The following CREBBP variants were observed in gnomAD, a reference collection of about 807,000 sequenced individuals.
The protein encoded by CREBBP is CREB binding lysine acetyltransferase.
Under a neutral mutation model 265.0 loss-of-function variants are expected in CREBBP, and 19 were observed. The ratio of observed to expected loss-of-function variants is 0.07; its 90% CI spans 0.05 to 0.11. The LOEUF is 0.11. Among genes scored for constraint, CREBBP ranks in the 10% least tolerant of loss-of-function variants. CREBBP has a pLI of 1.00. For missense variants in CREBBP, 2,525 were observed against 3,219.0 expected (o/e 0.78, Z 5.22); for synonymous variants, 1,457 against 1,223.7 (o/e 1.19, Z -3.98).
At chr16:3,861,652 C>CAAAAAA (rs368654449) in intron 1 of CREBBP, among the ~76,000 whole-genome samples, 3 of 121,072 alleles carry the variant, frequency 2.5e-5, no homozygotes, top group East Asian at 2.3e-4. Flanking sequence ...CTCTCTATAC[C>CAAAAAA]AAAAAAAAAA....
Position 3,731,568 on chromosome 16 carries a change from G to A in CREBBP, c.4891-95C>T. Reference sequence around the variant, plus strand: ...CGCAGCCACCCAGCCTGCAGAATAGGCAGGTGGCTGAGCCTGATGGCCCTG... The same window carrying A: ...CGCAGCCACCCAGCCTGCAGAATAGACAGGTGGCTGAGCCTGATGGCCCTG... On this transcript the variant is annotated intron_variant, in intron 29 of 30. Transcript: ENST00000262367. The surrounding 1 kb of genome is among the most constrained non-coding windows in gnomAD (Gnocchi z 7.7). 1 of 1,483,546 alleles carries A rather than the reference G, an allele frequency of 6.7e-7. No individual in the cohort carries two copies. Among genetic ancestry groups the A allele is most frequent in the Non-Finnish European group, 9.2e-7 (1 of 1,090,610 alleles). The allele number at this position is 1,483,546 out of a possible 1,614,324, so 91.9% of individuals were successfully genotyped here.
At chr16:3,825,582 C>T (rs1039365710) in intron 2 of CREBBP, among the ~76,000 whole-genome samples, 1 of 151,748 alleles carries the variant, frequency 6.6e-6, no homozygotes, top group African/African-American at 2.4e-5. Context: ...GGGTTCAGTC[C>T]TCTTCTGACA....
At chr16:3,834,747 G>C (rs2054409138) in intron 2 of CREBBP, among the ~76,000 whole-genome samples, 1 of 152,182 alleles carries the variant, frequency 6.6e-6, no homozygotes, top group Non-Finnish European at 1.5e-5. Flanking sequence ...CGGAGTTGGG[G>C]AGGATGTTGA....
At chr16:3,807,249 G>T (rs778570682) in intron 3 of CREBBP, among the ~76,000 whole-genome samples, 1 of 152,078 alleles carries the variant, frequency 6.6e-6, no homozygotes, top group Non-Finnish European at 1.5e-5. Context: ...GAGGGGAGAG[G>T]AACAAGAGCT....
At chr16:3,852,567 G>C (rs1362525051) in intron 1 of CREBBP, among the ~76,000 whole-genome samples, 2 of 152,080 alleles carry the variant, frequency 1.3e-5, no homozygotes, top group Admixed American at 6.5e-5. Context: ...TGCAGCAAAT[G>C]ATAATAAAGA....
At chr16:3,792,875 A>C (rs1430191398) in intron 4 of CREBBP, among the ~76,000 whole-genome samples, 1 of 152,246 alleles carries the variant, frequency 6.6e-6, no homozygotes, top group East Asian at 1.9e-4. Context: ...GATACAGTGC[A>C]TAGTTCCCCA....
chr16:3,851,143 C>T (rs1431654014), intron 1 of CREBBP, 134 bp from the exon 2 acceptor site: 1 of 778,878 alleles, frequency 1.3e-6, no homozygotes, highest in Non-Finnish European at 2.2e-6. Context: ...ATGTCATTAG[C>T]TGGGTGTGGT....
intron 1 of CREBBP, among the ~76,000 whole-genome samples, chr16:3,865,088 T>C (rs1014304469): frequency 6.6e-6 from 1 of 152,190 alleles, no homozygotes; most frequent in Non-Finnish European, 1.5e-5. Flanking sequence ...GCAACACATC[T>C]AGCAATGTAT....
Position 3,727,482 on chromosome 16 carries a change from AAAGAACCCCCCCCACCCCCCCGCC to A in CREBBP, c.*212_*235del. On this transcript the variant is annotated 3_prime_UTR_variant, in exon 31 of 31. Transcript: ENST00000262367. ...CCCAAACAAAAACAAAACGGAAAAA[AAAGAACCCCCCCCACCCCCCCGCC>A]AAAAAAAAACCAAAGAGAGAGACCA... 6.8e-6 allele frequency: 1 copy of A among 146,986 alleles called. No individual in the cohort carries two copies. Among genetic ancestry groups the A allele is most frequent in the South Asian group, 2.7e-4 (1 of 3,758 alleles). 9.1% of individuals were successfully genotyped at this position (146,986 alleles called of 1,614,324 possible).
chr16:3,766,657 C>T (rs2052860029), intron 16 of CREBBP, among the ~76,000 whole-genome samples: 1 of 151,988 alleles, frequency 6.6e-6, no homozygotes, highest in Admixed American at 6.6e-5. Flanking sequence ...TCTCGAGCAG[C>T]TAGAATTATA....
intron 2 of CREBBP, among the ~76,000 whole-genome samples, chr16:3,846,479 C>T (rs529263751): frequency 3.9e-5 from 6 of 152,186 alleles, no homozygotes; most frequent in Non-Finnish European, 7.3e-5. Context: ...GATATGGTCA[C>T]TCAGCTGTAC....
At chr16:3,753,343 A>T (rs562897849) in intron 19 of CREBBP, among the ~76,000 whole-genome samples, 43 of 152,362 alleles carry the variant, frequency 2.8e-4, no homozygotes, top group South Asian at 8.3e-4. Context: ...ACACACATAC[A>T]GCAAATTTTA....
At chr16:3,814,136 G>A (rs1465837986) in intron 2 of CREBBP, among the ~76,000 whole-genome samples, 1 of 151,460 alleles carries the variant, frequency 6.6e-6, no homozygotes, top group Admixed American at 6.6e-5. Flanking sequence ...CTGGCCTGGG[G>A]CCCTTTTCTA....
In CREBBP at chr16:3,727,937, C is replaced by A. The variant is rs2151299196; in HGVS notation, c.7110G>T (p.Gln2370His). Residue 2370 changes from glutamine to histidine, a missense_variant, in exon 31 of 31, where the codon CAG becomes CAT. Around this residue, in one of 19 missense-constraint regions of CREBBP, gnomAD observed 473 missense variants for 459.3 expected, o/e 1.03. Coordinates refer to ENST00000262367, the MANE Select transcript of CREBBP (RefSeq NM_004380.3). ...HSSPSPRIQP[Q>H]PSPHHVSPQT... ...GGGGTGAGACGTGGTGTGGCGAAGG[C>A]TGGGGCTGTATCCGTGGTGACGGGC... 1 of 1,608,602 alleles carries A rather than the reference C, an allele frequency of 6.2e-7. No individual in the cohort carries two copies. The highest frequency in any genetic ancestry group is 8.5e-7 in the Non-Finnish European group (1 of 1,176,342).
At chr16:3,798,795 T>C (rs895658577) in intron 3 of CREBBP, among the ~76,000 whole-genome samples, 1 of 152,170 alleles carries the variant, frequency 6.6e-6, no homozygotes, top group Non-Finnish European at 1.5e-5. Flanking sequence ...AGGTCAAACA[T>C]AAAATTACCA....
intron 23 of CREBBP, chr16:3,743,582 G>A (rs2052268118): frequency 6.6e-6 from 1 of 152,198 alleles, no homozygotes; most frequent in African/African-American, 2.4e-5. Context: ...TCCTGCCAGA[G>A]AAAGGTGACA....
chr16:3,740,856 C>T (rs753161040), intron 23 of CREBBP: 90 of 415,146 alleles, frequency 2.2e-4, no homozygotes, highest in South Asian at 1.3e-3. Flanking sequence ...GGCTCTAGGG[C>T]GGAGCAGATG....
At position 3,781,197 on chromosome 16, in the gene CREBBP, G is replaced by T. The variant is rs2141247027; in HGVS notation, c.1676+7C>A. 6.2e-7 allele frequency: 1 copy of T among 1,611,432 alleles called. No individual in the cohort carries two copies. The highest frequency in any genetic ancestry group is 1.1e-5 in the South Asian group (1 of 91,002). On this transcript the variant is annotated splice_region_variant and intron_variant, in intron 7 of 30. Transcript: ENST00000262367. ...GACTGTCACTCAGATCTGAAACAGG[G>T]TCTTACTTTGTGGCCCCCAGGGAAG...
intron 3 of CREBBP, among the ~76,000 whole-genome samples, chr16:3,794,220 T>C (rs2053561468): frequency 6.7e-6 from 1 of 150,112 alleles, no homozygotes; most frequent in Non-Finnish European, 1.5e-5. Context: ...TAGTCCCACC[T>C]ACTCGGGAGG....
Sources: gnomAD v4.1 joint callset for allele counts (sites outside exome capture counted in the v4.1 genomes callset) on GRCh38, gnomAD v4.1.1 for gene constraint, gnomAD v4.1.1 regional missense constraint, Gnocchi (gnomAD v3.1) non-coding constraint, MANE v1.5 for transcripts, NCBI Gene and HGNC (gene_info 2026-07-23, HGNC 2026-07-21) for gene names.